The following KCNH5 variants were observed in gnomAD, a reference collection of about 807,000 sequenced individuals.
KCNH5 encodes the protein voltage-gated delayed rectifier potassium channel KCNH5.
KCNH5 carries 46 observed loss-of-function variants against 96.1 expected under a neutral mutation model. The observed-to-expected ratio is 0.48, with a 90% CI of 0.38 to 0.61. The LOEUF (loss-of-function observed/expected upper bound fraction) is 0.61. Among genes scored for constraint, KCNH5 ranks in the 20% least tolerant of loss-of-function variants. The pLI is 0.00. For synonymous variants in KCNH5, 439 were observed against 449.8 expected (o/e 0.98, Z 0.30); for missense variants, 907 against 1,225.8 (o/e 0.74, Z 3.88).
chr14:62,704,389 G>T lies in KCNH5; in HGVS notation c.*3119C>A, dbSNP rs1160114383. On this transcript the variant is annotated 3_prime_UTR_variant, in exon 11 of 11. Transcript: ENST00000322893. ...TTTCAGTACCATTCATATAGCTTTGGTATTGTCATCTGGCTTTTGTGTGCC... is the reference window on the plus strand; with the variant it reads ...TTTCAGTACCATTCATATAGCTTTGTTATTGTCATCTGGCTTTTGTGTGCC... 3 of 151,744 alleles carry T rather than the reference G, an allele frequency of 2.0e-5. No individual in the cohort carries two copies. Among genetic ancestry groups the T allele is most frequent in the Non-Finnish European group, 4.4e-5 (3 of 67,750 alleles). 9.4% of individuals were successfully genotyped at this position (151,744 alleles called of 1,614,324 possible). A position where few individuals can be genotyped will look rare whatever the true frequency, so the allele number is the denominator to read the frequency against.
At chr14:62,729,904 C>T (rs1360971946) in intron 10 of KCNH5, among the ~76,000 whole-genome samples, 1 of 152,136 alleles carries the variant, frequency 6.6e-6, no homozygotes, top group Non-Finnish European at 1.5e-5. Context: ...CCCTGGGTCC[C>T]TGAATCACAC....
At chr14:62,869,357 C>G (rs978380658) in intron 7 of KCNH5, among the ~76,000 whole-genome samples, 1 of 150,694 alleles carries the variant, frequency 6.6e-6, no homozygotes, top group Non-Finnish European at 1.5e-5. Context: ...CTGTTCATAT[C>G]CTTTGCCTAC....
At position 63,001,589 on chromosome 14, in the gene KCNH5, A is replaced by G. The variant is rs1228394106; in HGVS notation, c.305-130T>C. ...CAGGAATCAACACCAAAACAACAGT[A>G]TATTAATTACTACAAACAATCCGTA... On this transcript the variant is annotated intron_variant, in intron 3 of 10. Transcript: ENST00000322893. 8.3e-6 allele frequency: 6 copies of G among 723,508 alleles called. No individual in the cohort carries two copies. The East Asian group carries it at 1.7e-4, about 21-fold the overall frequency. The allele number at this position is 723,508 out of a possible 1,614,324, so 44.8% of individuals were successfully genotyped here.
intron 1 of KCNH5, among the ~76,000 whole-genome samples, chr14:63,030,155 C>T (rs1170410480): frequency 6.6e-6 from 1 of 152,142 alleles, no homozygotes; most frequent in Non-Finnish European, 1.5e-5. Flanking sequence ...GACCTTGAGC[C>T]ATGAATTCTG....
chr14:62,808,834 A>T (rs1826138), intron 8 of KCNH5, among the ~76,000 whole-genome samples: 96,567 of 151,890 alleles, frequency 0.64, 31,226 homozygotes, highest in East Asian at 0.86. Flanking sequence ...CTTTTTATCA[A>T]CCACAGTCAA....
intron 7 of KCNH5, among the ~76,000 whole-genome samples, chr14:62,928,810 T>C (rs1270986127): frequency 1.3e-5 from 2 of 152,118 alleles, no homozygotes; most frequent in Non-Finnish European, 2.9e-5. Context: ...CTCAGTCTTT[T>C]TGCTGGTTTC....
At chr14:62,934,387 A>T (rs1346605888) in intron 7 of KCNH5, among the ~76,000 whole-genome samples, 1 of 152,166 alleles carries the variant, frequency 6.6e-6, no homozygotes, top group African/African-American at 2.4e-5. Context: ...CCCTCTATAG[A>T]AGAGACTATC....
Position 62,924,572 on chromosome 14 carries a change from T to G in KCNH5, c.1369+25561A>C, listed in dbSNP as rs990742779. On this transcript the variant is annotated intron_variant, in intron 7 of 10. Coordinates refer to ENST00000322893, the MANE Select transcript of KCNH5 (RefSeq NM_139318.5). ...TAGCCAAGATATGGAATCAACCTAG[T>G]GACCATCAACAGATGAATGAATAAA... 1.1e-4 allele frequency among the ~76,000 whole-genome samples: 17 copies of G among 151,984 alleles called. No homozygotes were observed. In the East Asian group the frequency reaches 3.1e-3, roughly 28 times the overall value.
At chr14:62,750,205 C>T (rs1204331312) in intron 10 of KCNH5, among the ~76,000 whole-genome samples, 1 of 152,126 alleles carries the variant, frequency 6.6e-6, no homozygotes, top group Non-Finnish European at 1.5e-5. Flanking sequence ...AGTTCACAGG[C>T]CCTAGTTACC....
intron 8 of KCNH5, among the ~76,000 whole-genome samples, chr14:62,846,829 C>G (rs989751984): frequency 3.0e-5 from 3 of 99,598 alleles, no homozygotes; most frequent in African/African-American, 1.2e-4. Context: ...GAGACAGAGT[C>G]TGGCTCTGCG....
intron 10 of KCNH5, among the ~76,000 whole-genome samples, chr14:62,730,188 A>G (rs967993460): frequency 1.1e-4 from 16 of 152,228 alleles, no homozygotes; most frequent in African/African-American, 3.9e-4. Flanking sequence ...AGATTGTGCA[A>G]GAATACATAG....
chr14:62,786,490 A>G (rs1197763333), intron 9 of KCNH5, among the ~76,000 whole-genome samples: 1 of 152,154 alleles, frequency 6.6e-6, no homozygotes, highest in Non-Finnish European at 1.5e-5. Flanking sequence ...AGTGAAGCAA[A>G]TTAACATGTC....
intron 7 of KCNH5, among the ~76,000 whole-genome samples, chr14:62,913,537 T>A (rs930487024): frequency 6.7e-6 from 1 of 149,372 alleles, no homozygotes; most frequent in African/African-American, 2.6e-5. Flanking sequence ...AAACTTTTTA[T>A]ATTTAGAGGT....
rs1889976725 is a variant in KCNH5 at position 62,950,348 on chromosome 14, A to G, written c.1154T>C (p.Ile385Thr). The G allele has an allele frequency of 6.2e-7, 1 of 1,614,032 alleles. No individual in the cohort carries two copies. Among genetic ancestry groups the G allele is most frequent in the Non-Finnish European group, 8.5e-7 (1 of 1,179,970 alleles). The change falls in exon 7 of 11, where the codon ATA becomes ACA. Residue 385 changes from isoleucine (I) to threonine (T), a missense_variant. This residue lies in a region of KCNH5 where 370 missense variants were observed against 561.3 expected (regional missense o/e 0.66). Coordinates refer to ENST00000322893, the MANE Select transcript of KCNH5 (RefSeq NM_139318.5). ...AGCCAGCTGGTAGAGCCAACTGTCTATTTGGATGGTGTTAGTGACTTCATC... is the reference window on the plus strand; with the variant it reads ...AGCCAGCTGGTAGAGCCAACTGTCTGTTTGGATGGTGTTAGTGACTTCATC... Reference protein sequence around the residue: ...VIDEVTNTIQIDSWLYQLALS... With the variant: ...VIDEVTNTIQTDSWLYQLALS...
intron 7 of KCNH5, among the ~76,000 whole-genome samples, chr14:62,929,001 T>C (rs775093382): frequency 6.6e-6 from 1 of 152,030 alleles, no homozygotes; most frequent in Non-Finnish European, 1.5e-5. Flanking sequence ...AACTCCAGAT[T>C]TGTCTATGGG....
chr14:62,710,999 G>A (rs1214847932), intron 10 of KCNH5, among the ~76,000 whole-genome samples: 1 of 152,152 alleles, frequency 6.6e-6, no homozygotes, highest in East Asian at 1.9e-4. Flanking sequence ...GTCCTGCCAT[G>A]CAGAGACTAT....
intron 8 of KCNH5, among the ~76,000 whole-genome samples, chr14:62,822,126 C>T (rs1887127595): frequency 6.6e-6 from 1 of 152,054 alleles, no homozygotes; most frequent in Non-Finnish European, 1.5e-5. Flanking sequence ...TGAAAGAAAT[C>T]AAGGAATTTG....
intron 3 of KCNH5, among the ~76,000 whole-genome samples, chr14:63,003,107 T>C (rs534637642): frequency 4.6e-5 from 7 of 152,162 alleles, no homozygotes; most frequent in Admixed American, 3.3e-4. Flanking sequence ...CAGAAAGAGA[T>C]GATGTTAGAT....
intron 8 of KCNH5, among the ~76,000 whole-genome samples, chr14:62,816,092 G>A (rs943934940): frequency 2.0e-5 from 3 of 151,726 alleles, no homozygotes; most frequent in South Asian, 2.1e-4. Context: ...GTGTCTGTGT[G>A]CATATAGATT....
Sources: allele counts gnomAD v4.1 joint callset (sites outside exome capture counted in the v4.1 genomes callset), GRCh38; gene constraint gnomAD v4.1.1; regional missense constraint gnomAD v4.1.1; transcripts MANE v1.5; gene names NCBI Gene and HGNC (gene_info 2026-07-23, HGNC 2026-07-21).